The following ATG13 variants were observed in gnomAD, a reference collection of about 807,000 sequenced individuals.
The protein encoded by ATG13 is autophagy related 13.
ATG13 carries 23 observed loss-of-function variants against 65.5 expected under a neutral mutation model. The observed-to-expected ratio is 0.35, with a 90% CI of 0.25 to 0.50. ATG13 has a LOEUF of 0.50. Ranked by LOEUF, ATG13 falls within the 20% of genes least tolerant of loss-of-function variation. The pLI is 0.98. For missense variants in ATG13, 566 were observed against 677.0 expected, an observed-to-expected ratio of 0.84 and a Z score of 1.82; for synonymous variants, 252 against 245.2, an observed-to-expected ratio of 1.03 and a Z score of -0.26.
intron 6 of ATG13, among the ~76,000 whole-genome samples, chr11:46,649,873 T>A (rs2058549121): frequency 6.6e-6 from 1 of 152,236 alleles, no homozygotes; most frequent in Non-Finnish European, 1.5e-5. Flanking sequence ...ATAGTACATG[T>A]TTGCACCTTC....
chr11:46,672,814 T>G lies in ATG13; in HGVS notation c.*482T>G, dbSNP rs2064051749. On this transcript the variant is annotated 3_prime_UTR_variant, in exon 19 of 19. Coordinates refer to ENST00000683050, the MANE Select transcript of ATG13 (RefSeq NM_001346311.2). ...CCAGGAGGAAGAAGGAAGGAGTCCC[T>G]TAGCTCTCTTCATTGTCCCCTTTAC... is the stretch of plus-strand genomic sequence containing the variant. 3.1e-6 allele frequency: 4 copies of G among 1,299,552 alleles called. No individual in the cohort carries two copies. The highest frequency in any genetic ancestry group is 3.0e-5 in the African/African-American group (2 of 66,640). The allele number at this position is 1,299,552 out of a possible 1,614,324, so 80.5% of individuals were successfully genotyped here. A position where few individuals can be genotyped will look rare whatever the true frequency, so the allele number is the denominator to read the frequency against.
In ATG13 at chr11:46,650,170, C is replaced by T; in HGVS notation, c.318-7C>T. Reference sequence around the variant, plus strand: ...AAGAATGCTGACCATATCTTTGTGCCTGGCAGGTGTGATAAAGAAATCAAA... The same window carrying T: ...AAGAATGCTGACCATATCTTTGTGCTTGGCAGGTGTGATAAAGAAATCAAA... On this transcript the variant is annotated splice_region_variant and splice_polypyrimidine_tract_variant and intron_variant, in intron 6 of 18. Transcript: ENST00000683050. The T allele has an allele frequency of 6.2e-7, 1 of 1,612,792 alleles. No individual in the cohort carries two copies. Among genetic ancestry groups the T allele is most frequent in the African/African-American group, 1.3e-5 (1 of 75,026 alleles).
At chr11:46,647,532 C>T (rs558429334) in intron 5 of ATG13, among the ~76,000 whole-genome samples, 14 of 152,096 alleles carry the variant, frequency 9.2e-5, no homozygotes, top group Admixed American at 3.9e-4. Flanking sequence ...CCTGCGTGGG[C>T]CTCCCAAAGT....
At chr11:46,663,281 A>AAT (rs1346199984) in intron 11 of ATG13, among the ~76,000 whole-genome samples, 12 of 151,430 alleles carry the variant, frequency 7.9e-5, no homozygotes, top group Non-Finnish European at 1.6e-4. Flanking sequence ...AAAAAAAAAA[A>AAT]AAAAAATGGA....
chr11:46,642,304 G>GTT (rs200225497), intron 2 of ATG13, among the ~76,000 whole-genome samples: 6,778 of 107,556 alleles, frequency 0.063, 434 homozygotes, highest in South Asian at 0.19. Context: ...ATTTTTGTGG[G>GTT]TTTTTTTTTT....
At chr11:46,625,267 T>C (rs1191632584) in intron 1 of ATG13, 2 of 145,578 alleles carry the variant, frequency 1.4e-5, no homozygotes, top group African/African-American at 5.3e-5. Flanking sequence ...AGCTTGCTCT[T>C]TCTTTTTTTT....
At chr11:46,663,078 A>T (rs1476535189) in intron 11 of ATG13, among the ~76,000 whole-genome samples, 1 of 152,084 alleles carries the variant, frequency 6.6e-6, no homozygotes, top group Non-Finnish European at 1.5e-5. Context: ...ATCCTGGCTA[A>T]CACGGTGAAA....
chr11:46,657,212 C>A, intron 9 of ATG13, 21 bp downstream of exon 9: 3 of 1,587,196 alleles, frequency 1.9e-6, no homozygotes, highest in Non-Finnish European at 2.6e-6. Flanking sequence ...GCCCTGGAAT[C>A]CAAAAGAACT....
At chr11:46,647,040 G>A (rs953389030) in intron 5 of ATG13, among the ~76,000 whole-genome samples, 3 of 152,150 alleles carry the variant, frequency 2.0e-5, no homozygotes, top group African/African-American at 7.2e-5. Context: ...GATTACAGGG[G>A]TCGTGGTTTT....
intron 2 of ATG13, among the ~76,000 whole-genome samples, chr11:46,641,297 C>T (rs533807502): frequency 6.6e-6 from 1 of 152,268 alleles, no homozygotes; most frequent in African/African-American, 2.4e-5. Context: ...GTCTTGAACT[C>T]CTGACCTTGT....
intron 1 of ATG13, among the ~76,000 whole-genome samples, chr11:46,629,149 G>A (rs2050778215): frequency 6.6e-6 from 1 of 151,812 alleles, no homozygotes. Flanking sequence ...CACCATGTGG[G>A]CTAGGCTGGT....
intron 2 of ATG13, among the ~76,000 whole-genome samples, chr11:46,634,605 G>C (rs533394686): frequency 1.3e-5 from 2 of 151,944 alleles, no homozygotes; most frequent in South Asian, 4.2e-4. Context: ...ATGTTGGCTA[G>C]GCTGGTCTCA....
intron 2 of ATG13, among the ~76,000 whole-genome samples, chr11:46,643,385 A>G (rs1239504314): frequency 1.3e-5 from 2 of 152,128 alleles, no homozygotes; most frequent in East Asian, 1.9e-4. Flanking sequence ...TTCTGTTTTA[A>G]ACATGACACC....
At position 46,622,076 on chromosome 11, in the gene ATG13, C is replaced by CATATAT. The variant is rs58391951; in HGVS notation, c.-70+4233_-70+4238dup. Among the ~76,000 whole-genome samples, 113 of 71,810 alleles carry CATATAT rather than the reference C, an allele frequency of 1.6e-3. 2 individuals carry two copies. The highest frequency in any genetic ancestry group is 2.2e-3 in the Admixed American group (10 of 4,614). 47.1% of individuals were successfully genotyped at this position (71,810 alleles called of 152,430 possible). ...GCCACTTCAGAGATTTATTTATTTACATATATATATATATATATATATATA... is the reference window on the plus strand; with the variant it reads ...GCCACTTCAGAGATTTATTTATTTACATATATATATATATATATATATATATATATA... On this transcript the variant is annotated intron_variant, in intron 1 of 18. Coordinates refer to ENST00000683050, the MANE Select transcript of ATG13 (RefSeq NM_001346311.2).
intron 1 of ATG13, among the ~76,000 whole-genome samples, chr11:46,622,103 ATATATATATATATATATATATATATT>A (rs1415521817): frequency 3.7e-5 from 3 of 82,080 alleles, no homozygotes; most frequent in East Asian, 7.3e-4. Context: ...ATATATATAT[ATATATATATATATATATATATATATT>A]TATTTTAGAG....
chr11:46,666,724 G>A (rs2062446914), intron 14 of ATG13, among the ~76,000 whole-genome samples: 2 of 152,200 alleles, frequency 1.3e-5, no homozygotes, highest in South Asian at 2.1e-4. Context: ...TTCTTTCCAC[G>A]ATGCTTTCAC....
At chr11:46,639,235 C>T (rs575391139) in intron 2 of ATG13, among the ~76,000 whole-genome samples, 1 of 152,264 alleles carries the variant, frequency 6.6e-6, no homozygotes, top group African/African-American at 2.4e-5. Context: ...ATCCGCCTAC[C>T]TTGGCCTCCC....
At chr11:46,654,640 T>C (rs1017271079) in intron 7 of ATG13, among the ~76,000 whole-genome samples, 1 of 151,684 alleles carries the variant, frequency 6.6e-6, no homozygotes, top group African/African-American at 2.4e-5. Context: ...GAGGATCTCT[T>C]GAGCCCAGGA....
intron 14 of ATG13, among the ~76,000 whole-genome samples, chr11:46,666,054 G>A (rs1413154031): frequency 2.0e-5 from 3 of 151,920 alleles, no homozygotes; most frequent in East Asian, 1.9e-4. Context: ...TGATCCTCCC[G>A]CCTTGACTTC....
Sources: allele counts gnomAD v4.1 joint callset (sites outside exome capture counted in the v4.1 genomes callset), GRCh38; gene constraint gnomAD v4.1.1; transcripts MANE v1.5; gene names NCBI Gene and HGNC (gene_info 2026-07-23, HGNC 2026-07-21).